The following EPB41L2 variants were observed in gnomAD, a reference collection of about 807,000 sequenced individuals.
The protein encoded by EPB41L2 is erythrocyte membrane protein band 4.1 like 2, also known as band 4.1-like protein 2.
EPB41L2 carries 43 observed loss-of-function variants against 113.0 expected under a neutral mutation model. That is an observed-to-expected ratio of 0.38 (90% CI 0.30 to 0.49). EPB41L2 has a LOEUF of 0.49. EPB41L2 is among the 20% of genes least tolerant of loss of function. EPB41L2 has a pLI of 0.95. For synonymous variants in EPB41L2, 442 were observed against 436.7 expected (o/e 1.01, Z -0.15); for missense variants, 1,147 against 1,223.4 (o/e 0.94, Z 0.93).
intron 1 of EPB41L2, among the ~76,000 whole-genome samples, chr6:131,000,949 A>C (rs1428531117): frequency 6.7e-6 from 1 of 149,488 alleles, no homozygotes; most frequent in Non-Finnish European, 1.5e-5. Flanking sequence ...CCAAACAAAA[A>C]CAGATGAAAA....
intron 1 of EPB41L2, among the ~76,000 whole-genome samples, chr6:131,049,435 T>C (rs1796114396): frequency 6.6e-6 from 1 of 152,248 alleles, no homozygotes; most frequent in South Asian, 2.1e-4. Context: ...AAAAAAAGTT[T>C]TCCTTTTTCT....
intron 1 of EPB41L2, among the ~76,000 whole-genome samples, chr6:130,989,883 TAAAG>T (rs989292056): frequency 2.4e-4 from 36 of 152,150 alleles, no homozygotes; most frequent in Admixed American, 3.3e-4. Flanking sequence ...AAGGGAAAGC[TAAAG>T]AAAGAACAAT....
At chr6:130,971,381 T>G (rs1228523928) in intron 1 of EPB41L2, among the ~76,000 whole-genome samples, 1 of 152,222 alleles carries the variant, frequency 6.6e-6, no homozygotes, top group African/African-American at 2.4e-5. Flanking sequence ...CTTAAGAACT[T>G]TCCCCTTTTC....
chr6:130,853,718 A>G (rs1167162098), intron 19 of EPB41L2, among the ~76,000 whole-genome samples: 1 of 152,126 alleles, frequency 6.6e-6, no homozygotes, highest in Non-Finnish European at 1.5e-5. Flanking sequence ...TCAACACTTG[A>G]TCAAAAGCTC....
In EPB41L2 at chr6:130,987,610, TTG is replaced by T. The variant is rs1269346084; in HGVS notation, c.-14-31113_-14-31112del. Among the ~76,000 whole-genome samples, 5 of 152,124 alleles carry T rather than the reference TTG, an allele frequency of 3.3e-5. No homozygotes were observed. In the East Asian group the frequency reaches 5.8e-4, roughly 18 times the overall value. ...CCGGAGGCTGAGGCAGGAGAATCAC[TTG>T]AACCCGGGAGGCAGAGGCTGCAGTA... On this transcript the variant is annotated intron_variant, in intron 1 of 19. Coordinates refer to ENST00000337057, the MANE Select transcript of EPB41L2 (RefSeq NM_001431.4).
chr6:130,945,265 TAAAC>T (rs1275816006), intron 3 of EPB41L2, among the ~76,000 whole-genome samples: 4 of 151,926 alleles, frequency 2.6e-5, no homozygotes, highest in Non-Finnish European at 5.9e-5. Flanking sequence ...GAAACAACAA[TAAAC>T]AAACAAGCAA....
At chr6:130,849,523 A>C (rs1778138152) in intron 19 of EPB41L2, among the ~76,000 whole-genome samples, 1 of 152,208 alleles carries the variant, frequency 6.6e-6, no homozygotes. Flanking sequence ...ATAACCGTGA[A>C]AACTGAGGGA....
intron 1 of EPB41L2, among the ~76,000 whole-genome samples, chr6:130,971,963 A>C (rs529405743): frequency 1.3e-5 from 2 of 152,338 alleles, no homozygotes; most frequent in South Asian, 4.1e-4. Flanking sequence ...CCTAGATAGT[A>C]TAGTTACCGT....
chr6:130,906,131 G>T (rs1001176388), intron 5 of EPB41L2, among the ~76,000 whole-genome samples: 5 of 152,142 alleles, frequency 3.3e-5, no homozygotes, highest in Non-Finnish European at 5.9e-5. Context: ...CAAGGTGACT[G>T]CTAGTCTCGA....
chr6:130,929,857 TCACACACACACACACACACACACA>T (rs140350248), intron 3 of EPB41L2, among the ~76,000 whole-genome samples: 5 of 123,456 alleles, frequency 4.1e-5, no homozygotes, highest in Admixed American at 2.5e-4. Context: ...AGACAGACAG[TCACACACACACACACACACACACA>T]CACACACACA....
intron 15 of EPB41L2, chr6:130,868,775 A>G (rs959688226): frequency 6.6e-6 from 1 of 152,236 alleles, no homozygotes; most frequent in South Asian, 2.1e-4. Flanking sequence ...CACTGCACTT[A>G]GTGACCAAAA....
At chr6:130,954,036 CTTTCTTTTTTTTTTTTTTTTTTTTTTT>C (rs1261727582) in intron 3 of EPB41L2, among the ~76,000 whole-genome samples, 28 of 45,522 alleles carry the variant, frequency 6.2e-4, no homozygotes, top group African/African-American at 1.5e-3. Flanking sequence ...TAGTCCTTTT[CTTTCTTTTTTTTTTTTTTTTTTTTTTT>C]TTTTTTTGAG....
In EPB41L2 at chr6:130,915,989, C is replaced by T. The variant is rs571266688; in HGVS notation, c.811-7126G>A. Among the ~76,000 whole-genome samples the T allele has an allele frequency of 2.0e-4, 31 of 152,254 alleles. No individual in the cohort carries two copies. The East Asian group carries it at 5.0e-3, about 25-fold the overall frequency. On this transcript the variant is annotated intron_variant, in intron 4 of 19. Coordinates refer to ENST00000337057, the MANE Select transcript of EPB41L2 (RefSeq NM_001431.4). ...GTATGAAAACAGACTAATATACATA[C>T]CTATTACTTTGTCTCCAATTTTAGA... is the stretch of plus-strand genomic sequence containing the variant.
intron 1 of EPB41L2, among the ~76,000 whole-genome samples, chr6:131,056,301 T>G (rs908845241): frequency 6.6e-6 from 1 of 152,210 alleles, no homozygotes; most frequent in Admixed American, 6.5e-5. Flanking sequence ...TTAGAACATA[T>G]GCACACAATT....
intron 3 of EPB41L2, among the ~76,000 whole-genome samples, chr6:130,941,353 G>A (rs1179120346): frequency 2.0e-5 from 3 of 152,146 alleles, no homozygotes; most frequent in Admixed American, 6.5e-5. Flanking sequence ...ACGGAGAATT[G>A]ACTATAACTG....
At chr6:131,004,632 G>A (rs1328536861) in intron 1 of EPB41L2, among the ~76,000 whole-genome samples, 3 of 152,154 alleles carry the variant, frequency 2.0e-5, no homozygotes, top group Non-Finnish European at 4.4e-5. Context: ...ACACCAGACA[G>A]TGCAATGCAG....
rs147975016 is a variant in EPB41L2, at chr6:130,878,239, C to T, written c.1908G>A (p.Lys636=). Reference sequence around the variant, plus strand: ...GATGTTTCAGTATGTCCTCCTGGGCCTTATCCAGTTCCTAGCAATATGTAA... The same window carrying T: ...GATGTTTCAGTATGTCCTCCTGGGCTTTATCCAGTTCCTAGCAATATGTAA... The part of the protein sequence containing the change: ...HSNLMLEELD[K]AQEDILKHQA... The change falls in exon 14 of 20, where the codon AAG becomes AAA. Residue 636 remains lysine (K), a synonymous_variant. Coordinates refer to ENST00000337057, the MANE Select transcript of EPB41L2 (RefSeq NM_001431.4). 5.1e-5 allele frequency: 82 copies of T among 1,610,234 alleles called. No individual in the cohort carries two copies. The African/African-American group carries it at 1.0e-3, about 21-fold the overall frequency.
intron 1 of EPB41L2, among the ~76,000 whole-genome samples, chr6:130,976,674 T>G (rs779264973): frequency 4.6e-5 from 7 of 152,220 alleles, no homozygotes; most frequent in Non-Finnish European, 1.0e-4. Context: ...TAAAAAGTAT[T>G]AGGATAAAAC....
chr6:130,893,927 T>C (rs1793761093), intron 10 of EPB41L2, among the ~76,000 whole-genome samples: 1 of 152,038 alleles, frequency 6.6e-6, no homozygotes. Context: ...GTAGCAGGCA[T>C]GAGGCAGTGT....
Sources: gnomAD v4.1 joint callset for allele counts (sites outside exome capture counted in the v4.1 genomes callset) on GRCh38, gnomAD v4.1.1 for gene constraint, MANE v1.5 for transcripts, NCBI Gene and HGNC (gene_info 2026-07-23, HGNC 2026-07-21) for gene names.